The following JAK1 variants were observed in gnomAD, a reference collection of about 807,000 sequenced individuals.
JAK1 encodes tyrosine-protein kinase JAK1.
Under a neutral mutation model 136.6 loss-of-function variants are expected in JAK1, and 16 were observed. That is an observed-to-expected ratio of 0.12 (90% CI 0.08 to 0.18). The LOEUF is 0.18. Among genes scored for constraint, JAK1 ranks in the 10% least tolerant of loss-of-function variants. The pLI is 1.00. For missense variants in JAK1, 859 were observed against 1,450.1 expected (o/e 0.59, Z 6.62); for synonymous variants, 492 against 519.5 (o/e 0.95, Z 0.72).
Position 64,846,708 on chromosome 1 carries a change from CTCA to C in JAK1, c.1925_1927del (p.Met642del). On this transcript the variant is annotated inframe_deletion, in exon 14 of 25. Transcript: ENST00000342505. ...CACGATGTGTTTGTGGGAGACCTGT[CTCA>C]TCATGCTGGCTGCCTCGAAGAAGGC... 1 of 1,614,102 alleles carries C rather than the reference CTCA, an allele frequency of 6.2e-7. No homozygotes were observed. Among genetic ancestry groups the C allele is most frequent in the East Asian group, 2.2e-5 (1 of 44,864 alleles).
intron 2 of JAK1, chr1:64,987,581 C>T (rs564755380): frequency 6.6e-6 from 1 of 152,340 alleles, no homozygotes; most frequent in East Asian, 1.9e-4. Context: ...AAAAGCATGG[C>T]TAGTTGGTGA....
At chr1:64,954,986 A>G (rs1646157225) in intron 1 of JAK1, among the ~76,000 whole-genome samples, 1 of 152,256 alleles carries the variant, frequency 6.6e-6, no homozygotes, top group African/African-American at 2.4e-5. Flanking sequence ...CCACTGGCAG[A>G]GCCAATGAGT....
At chr1:64,956,655 T>C (rs1452749485) in intron 1 of JAK1, among the ~76,000 whole-genome samples, 1 of 152,228 alleles carries the variant, frequency 6.6e-6, no homozygotes, top group Non-Finnish European at 1.5e-5. Context: ...GACAGGGACC[T>C]TTCCTCTCTT....
At chr1:64,906,732 T>A (rs1002116607) in intron 1 of JAK1, among the ~76,000 whole-genome samples, 2 of 152,166 alleles carry the variant, frequency 1.3e-5, no homozygotes, top group African/African-American at 4.8e-5. Context: ...AGTGAATACA[T>A]AAATATTGAC....
intron 2 of JAK1, among the ~76,000 whole-genome samples, chr1:65,001,530 G>A (rs1646756276): frequency 6.6e-6 from 1 of 152,182 alleles, no homozygotes; most frequent in Non-Finnish European, 1.5e-5. Flanking sequence ...AGGAGGAAAA[G>A]AGGGGGTGCA....
At position 64,916,822 on chromosome 1, in the gene JAK1, CAG is replaced by C. The variant is rs1331345755; in HGVS notation, c.-77-30483_-77-30482del. Among the ~76,000 whole-genome samples, 13 of 141,660 alleles carry C rather than the reference CAG, an allele frequency of 9.2e-5. 1 individual carries two copies. The highest frequency in any genetic ancestry group is 6.1e-4 in the East Asian group (3 of 4,946). The allele number at this position is 141,660 out of a possible 152,430, so 92.9% of individuals were successfully genotyped here. A position where few individuals can be genotyped will look rare whatever the true frequency, so the allele number is the denominator to read the frequency against. ...GCTGAACTCCATCCAGCCTGGGTGA[CAG>C]AGTGAGACCCTTTCTCAAAAAAAAA... On this transcript the variant is annotated intron_variant, in intron 1 of 24. Coordinates refer to ENST00000342505, the MANE Select transcript of JAK1 (RefSeq NM_002227.4).
At position 64,864,344 on chromosome 1, in the gene JAK1, G is replaced by A. The variant is rs550228486; in HGVS notation, c.1176+443C>T. 1.4e-3 allele frequency among the ~76,000 whole-genome samples: 216 copies of A among 152,364 alleles called. 1 individual carries two copies. The highest frequency in any genetic ancestry group is 4.9e-3 in the African/African-American group (204 of 41,582). ...CCTTTCCTCTGTCCGAGAGTCACTG[G>A]GGTGTGCCTGACACCATATCGATGA... On this transcript the variant is annotated intron_variant, in intron 8 of 24. Transcript: ENST00000342505.
intron 1 of JAK1, among the ~76,000 whole-genome samples, chr1:64,909,999 A>T (rs1645255357): frequency 6.6e-6 from 1 of 152,202 alleles, no homozygotes; most frequent in Non-Finnish European, 1.5e-5. Flanking sequence ...ATGGTAGACC[A>T]GAGTATATTC....
intron 2 of JAK1, among the ~76,000 whole-genome samples, chr1:65,005,893 A>T (rs1646800062): frequency 6.6e-6 from 1 of 152,146 alleles, no homozygotes; most frequent in Non-Finnish European, 1.5e-5. Context: ...GATCTTGCAG[A>T]AGAATAAGTT....
chr1:65,064,515 A>C (rs1343638468), intron 1 of JAK1, among the ~76,000 whole-genome samples: 2 of 152,216 alleles, frequency 1.3e-5, no homozygotes, highest in African/African-American at 4.8e-5. Context: ...AGCCCTTCCA[A>C]AAGACTGAGT....
chr1:64,969,089 AAC>A (rs1646426930), upstream of JAK1, among the ~76,000 whole-genome samples: 1 of 152,014 alleles, frequency 6.6e-6, no homozygotes, highest in Non-Finnish European at 1.5e-5. Flanking sequence ...TAGCCTGGGC[AAC>A]AGAGTGAGAC....
intron 19 of JAK1, 130 bp from the exon 20 acceptor site, chr1:64,839,925 A>G: frequency 1.4e-6 from 1 of 698,566 alleles, no homozygotes; most frequent in South Asian, 2.0e-5. Context: ...TTGCAGGCAG[A>G]AGCCTCTCAC....
chr1:65,021,754 G>A lies in JAK1; in HGVS notation c.-78+22726C>T, dbSNP rs192363991. Among the ~76,000 whole-genome samples, 84 of 152,244 alleles carry A rather than the reference G, an allele frequency of 5.5e-4. 1 individual carries two copies. The highest frequency in any genetic ancestry group is 1.0e-3 in the Non-Finnish European group (70 of 68,010). On this transcript the variant is annotated intron_variant, in intron 2 of 25. Transcript: ENST00000671954. Reference sequence around the variant, plus strand: ...ATGACCTAAGGAACCCCTAATGCCTGGGGGTAAGACTTAGCTTCCATTTCA... The same window carrying A: ...ATGACCTAAGGAACCCCTAATGCCTAGGGGTAAGACTTAGCTTCCATTTCA...
At chr1:64,899,373 T>A (rs187709910) in intron 1 of JAK1, among the ~76,000 whole-genome samples, 48 of 152,334 alleles carry the variant, frequency 3.2e-4, no homozygotes, top group African/African-American at 1.2e-3. Flanking sequence ...CTGGATTAGG[T>A]AGAAGTATAA....
intron 1 of JAK1, among the ~76,000 whole-genome samples, chr1:64,965,788 C>T (rs1024008528): frequency 1.3e-5 from 2 of 151,716 alleles, no homozygotes; most frequent in East Asian, 1.9e-4. Flanking sequence ...CCCGAGTTCG[C>T]GGACGCCCAA....
At chr1:64,884,946 A>G (rs1301568595) in intron 2 of JAK1, among the ~76,000 whole-genome samples, 2 of 152,178 alleles carry the variant, frequency 1.3e-5, no homozygotes, top group Non-Finnish European at 2.9e-5. Flanking sequence ...TGCTTGCAGA[A>G]TGACCCAAGG....
At chr1:64,836,764 G>GC (rs1654504703) in intron 22 of JAK1, among the ~76,000 whole-genome samples, 1 of 152,124 alleles carries the variant, frequency 6.6e-6, no homozygotes, top group Admixed American at 6.6e-5. Context: ...GCTGTCACTA[G>GC]CTCTGGCCTG....
At chr1:64,863,678 A>G (rs1656512391) in intron 8 of JAK1, among the ~76,000 whole-genome samples, 1 of 152,218 alleles carries the variant, frequency 6.6e-6, no homozygotes, top group Non-Finnish European at 1.5e-5. Flanking sequence ...AACTGGTCCC[A>G]TTCTATAGGT....
intron 2 of JAK1, among the ~76,000 whole-genome samples, chr1:64,988,996 G>A (rs1457341884): frequency 1.0e-5 from 1 of 98,474 alleles, no homozygotes; most frequent in Non-Finnish European, 1.9e-5. Context: ...GTGTGTGTGT[G>A]TGTGTGTATA....
Sources: gnomAD v4.1 joint callset for allele counts (sites outside exome capture counted in the v4.1 genomes callset) on GRCh38, gnomAD v4.1.1 for gene constraint, MANE v1.5 for transcripts, NCBI Gene and HGNC (gene_info 2026-07-23, HGNC 2026-07-21) for gene names.